The following VWA5A variants were observed in gnomAD, a reference collection of about 807,000 sequenced individuals.
VWA5A encodes von Willebrand factor A domain-containing protein 5A.
A neutral mutation model predicts 84.6 loss-of-function variants in VWA5A; 77 were observed. The ratio of observed to expected loss-of-function variants is 0.91; its 90% CI spans 0.76 to 1.10. The LOEUF is 1.10. Ranked by LOEUF, VWA5A falls within the 50% of genes least tolerant of loss-of-function variation. The pLI is 0.00. For missense variants in VWA5A, 973 were observed against 963.0 expected (o/e 1.01, Z -0.14); for synonymous variants, 334 against 350.1 (o/e 0.95, Z 0.51).
At chr11:124,145,417 G>A (rs1230226336) in intron 18 of VWA5A, 54 bp downstream of exon 18, 9 of 1,551,726 alleles carry the variant, frequency 5.8e-6, no homozygotes, top group South Asian at 2.5e-5. Context: ...CCTGGCGGAA[G>A]GTGACCACAA....
At chr11:124,145,805 G>A in intron 18 of VWA5A, 61 bp from the exon 19 acceptor site, 4 of 1,502,820 alleles carry the variant, frequency 2.7e-6, no homozygotes, top group South Asian at 1.2e-5. Flanking sequence ...TGATCTGGGA[G>A]GTTTGGAGGA....
At chr11:124,120,641 C>G (rs1864916826) in intron 7 of VWA5A, among the ~76,000 whole-genome samples, 1 of 152,202 alleles carries the variant, frequency 6.6e-6, no homozygotes, top group Non-Finnish European at 1.5e-5. Context: ...ATTCAAGGGG[C>G]TCCCAGCTTC....
rs142647242 is a variant in VWA5A at position 124,127,070 on chromosome 11, G to A, written c.1244+2754G>A. 1.7e-3 allele frequency among the ~76,000 whole-genome samples: 256 copies of A among 152,268 alleles called. 4 individuals are homozygous for A. The East Asian group carries it at 0.037, about 22-fold the overall frequency. On this transcript the variant is annotated intron_variant, in intron 11 of 18. Coordinates refer to ENST00000456829, the MANE Select transcript of VWA5A (RefSeq NM_001130142.2). ...GTTCTGGGATGCATGTGCAGAACAT[G>A]CAGGTTTGTTACATAGGTATACATG...
chr11:124,146,042 CT>C lies in VWA5A; in HGVS notation c.*100del. 1 of 1,294,174 alleles carries C rather than the reference CT, an allele frequency of 7.7e-7. No homozygotes were observed. The highest frequency in any genetic ancestry group is 1.1e-6 in the Non-Finnish European group (1 of 943,772). 80.2% of individuals were successfully genotyped at this position (1,294,174 alleles called of 1,614,324 possible). A position where few individuals can be genotyped will look rare whatever the true frequency, so the allele number is the denominator to read the frequency against. The stretch of plus-strand genomic sequence containing the variant: ...TGATGTGTTCTTGTGTATTATAACT[CT>C]TTATTTTTTGCCATAAAAGTAAAGG... On this transcript the variant is annotated 3_prime_UTR_variant, in exon 19 of 19. Transcript: ENST00000456829.
At chr11:124,132,537 A>G (rs889498868) in intron 11 of VWA5A, among the ~76,000 whole-genome samples, 48 of 152,110 alleles carry the variant, frequency 3.2e-4, no homozygotes, top group Non-Finnish European at 6.9e-4. Context: ...TCTTTGCATG[A>G]AATTGTCCAT....
At chr11:124,125,297 T>C (rs79306043) in intron 11 of VWA5A, among the ~76,000 whole-genome samples, 2 of 149,628 alleles carry the variant, frequency 1.3e-5, no homozygotes, top group African/African-American at 2.4e-5. Flanking sequence ...TTTTTTTTTT[T>C]CTTGAGATGG....
In VWA5A at chr11:124,137,059, A is replaced by G; in HGVS notation, c.1670A>G (p.Lys557Arg). 1 of 1,613,400 alleles carries G rather than the reference A, an allele frequency of 6.2e-7. No homozygotes were observed. The highest frequency in any genetic ancestry group is 8.5e-7 in the Non-Finnish European group (1 of 1,179,832). ...GCTGCCAAGTCCTTGCTCCAGACCA[A>G]GGACATGGGCCTCAGGGAGACTCCA... is the stretch of plus-strand genomic sequence containing the variant. Reference protein sequence around the residue: ...RLAAKSLLQTKDMGLRETPAS... With the variant: ...RLAAKSLLQTRDMGLRETPAS... Residue 557 changes from lysine to arginine, a missense_variant, in exon 15 of 19, where the codon AAG (lysine) becomes AGG (arginine). Lys to Arg is a conservative substitution (Grantham distance 26). Transcript: ENST00000456829.
chr11:124,143,667 T>A lies in VWA5A; in HGVS notation c.2154+1095T>A, dbSNP rs187156875. Reference sequence around the variant, plus strand: ...AAATAATTATACCTCTTTTACTTTTTAAAATTTGGCTACCAGAAAATTTAA... The same window carrying A: ...AAATAATTATACCTCTTTTACTTTTAAAAATTTGGCTACCAGAAAATTTAA... On this transcript the variant is annotated intron_variant, in intron 17 of 18. Transcript: ENST00000456829. 5.1e-3 allele frequency among the ~76,000 whole-genome samples: 783 copies of A among 152,360 alleles called. 11 individuals are homozygous for A. The highest frequency in any genetic ancestry group is 0.018 in the African/African-American group (743 of 41,588).
In VWA5A at chr11:124,116,854, G is replaced by A. The variant is rs150700323; in HGVS notation, c.-16+174G>A. Among the ~76,000 whole-genome samples, 1,084 of 152,148 alleles carry A rather than the reference G, an allele frequency of 7.1e-3. 5 individuals carry two copies. Among genetic ancestry groups the A allele is most frequent in the Admixed American group, 0.02 (300 of 15,288 alleles). On this transcript the variant is annotated intron_variant, in intron 2 of 18. Coordinates refer to ENST00000456829, the MANE Select transcript of VWA5A (RefSeq NM_001130142.2). ...TGGATGGATACAAACAAATATACTC[G>A]TATCTTTTAATTTTGGGTCCCAAAA...
At chr11:124,143,724 T>C (rs1860769555) in intron 17 of VWA5A, among the ~76,000 whole-genome samples, 1 of 152,226 alleles carries the variant, frequency 6.6e-6, no homozygotes, top group African/African-American at 2.4e-5. Flanking sequence ...TATATTTTTA[T>C]TGGAAAATGC....
At chr11:124,135,697 A>C (rs113381652) in intron 12 of VWA5A, among the ~76,000 whole-genome samples, 9,445 of 148,844 alleles carry the variant, frequency 0.063, 579 homozygotes, top group African/African-American at 0.15. Context: ...CGCCCGGCTA[A>C]TTTTTTGTAT....
chr11:124,118,766 G>T (rs1864883482), intron 6 of VWA5A, 58 bp downstream of exon 6: 6 of 1,560,114 alleles, frequency 3.8e-6, no homozygotes, highest in Non-Finnish European at 5.2e-6. Context: ...GTCTTGACTT[G>T]GTCCCCAACC....
Position 124,117,661 on chromosome 11 carries a change from G to T in VWA5A, c.44-12G>T, listed in dbSNP as rs1220936593. ...TGAAGCTTGATGAACTTGAACTCTG[G>T]TCTATCTCCAGTGCCGCTGAAGAGT... On this transcript the variant is annotated splice_polypyrimidine_tract_variant and intron_variant, in intron 3 of 18. Coordinates refer to ENST00000456829, the MANE Select transcript of VWA5A (RefSeq NM_001130142.2). 7 of 1,614,154 alleles carry T rather than the reference G, an allele frequency of 4.3e-6. No homozygotes were observed. The Admixed American group carries it at 5.0e-5, about 12-fold the overall frequency.
chr11:124,124,919 T>G lies in VWA5A; in HGVS notation c.1244+603T>G, dbSNP rs145719178. 58 of 145,920 alleles carry G rather than the reference T, an allele frequency of 4.0e-4. 1 individual carries two copies. The highest frequency in any genetic ancestry group is 1.5e-3 in the African/African-American group (57 of 38,114). The allele number at this position is 145,920 out of a possible 1,614,324, so 9.0% of individuals were successfully genotyped here. On this transcript the variant is annotated intron_variant, in intron 11 of 18. Transcript: ENST00000456829. The stretch of plus-strand genomic sequence containing the variant: ...TATACATTTTGAGTATAGCCATAGT[T>G]CATTTTCATTGATGTATAGTATTCC...
At chr11:124,142,863 AT>A (rs756888842) in intron 17 of VWA5A, among the ~76,000 whole-genome samples, 1 of 152,194 alleles carries the variant, frequency 6.6e-6, no homozygotes, top group Non-Finnish European at 1.5e-5. Context: ...CATCTTGGTT[AT>A]GTAACTAATA....
At chr11:124,140,853 G>C (rs948465747) in intron 15 of VWA5A, among the ~76,000 whole-genome samples, 6 of 152,172 alleles carry the variant, frequency 3.9e-5, no homozygotes, top group African/African-American at 7.2e-5. Context: ...CTCCTGAAGT[G>C]TTAGGATTAC....
chr11:124,122,812 A>C (rs536809358), intron 7 of VWA5A, 148 bp from the exon 8 acceptor site: 29 of 733,988 alleles, frequency 4.0e-5, no homozygotes, highest in African/African-American at 3.3e-4. Context: ...CCTTGACCCC[A>C]TTGCAAGCAG....
intron 7 of VWA5A, among the ~76,000 whole-genome samples, chr11:124,120,753 T>A (rs994108756): frequency 8.5e-5 from 13 of 152,220 alleles, no homozygotes; most frequent in African/African-American, 2.9e-4. Context: ...ACTATTTCCT[T>A]GGGTGTCCAT....
At chr11:124,141,340 C>T (rs1860724086) in intron 15 of VWA5A, among the ~76,000 whole-genome samples, 1 of 152,116 alleles carries the variant, frequency 6.6e-6, no homozygotes, top group Admixed American at 6.5e-5. Context: ...ACTTAGCTGG[C>T]AGAAGCCTCC....
Sources: gnomAD v4.1 joint callset for allele counts (sites outside exome capture counted in the v4.1 genomes callset) on GRCh38, gnomAD v4.1.1 for gene constraint, MANE v1.5 for transcripts, NCBI Gene and HGNC (gene_info 2026-07-23, HGNC 2026-07-21) for gene names.